CTDNEP1: variants seen among roughly 807,000 people sequenced by gnomAD.
CTDNEP1 encodes C-terminal domain nuclear envelope phosphatase 1.
In CTDNEP1, 3 loss-of-function variants were observed where a neutral mutation model predicts 30.1. That is an observed-to-expected ratio of 0.10 (90% confidence interval 0.05 to 0.26). The LOEUF (loss-of-function observed/expected upper bound fraction) is 0.26. Ranked by LOEUF, CTDNEP1 falls within the 10% of genes least tolerant of loss-of-function variation. CTDNEP1 has a pLI of 1.00. For missense variants in CTDNEP1, 158 were observed against 310.4 expected (o/e 0.51, Z 3.69); for synonymous variants, 123 against 118.8 (o/e 1.04, Z -0.23).
In CTDNEP1 at chr17:7,251,306, C is replaced by G; in HGVS notation, c.-10G>C. On this transcript the variant is annotated 5_prime_UTR_variant, in exon 1 of 8. Coordinates refer to ENST00000574322, the MANE Select transcript of CTDNEP1 (RefSeq NM_001143775.2). Reference sequence around the variant, plus strand: ...ACTGCGTCCGCATCATCCCGATGACCCCGGCACCGCCGGCCCCGGGGCCCC... The same window carrying G: ...ACTGCGTCCGCATCATCCCGATGACGCCGGCACCGCCGGCCCCGGGGCCCC... 1 of 1,520,822 alleles carries G rather than the reference C, an allele frequency of 6.6e-7. No homozygotes were observed. The highest frequency in any genetic ancestry group is 8.8e-7 in the Non-Finnish European group (1 of 1,135,064). The allele number at this position is 1,520,822 out of a possible 1,614,324, so 94.2% of individuals were successfully genotyped here.
At chr17:7,249,998 G>A (rs771012544) in intron 1 of CTDNEP1, among the ~76,000 whole-genome samples, 43 of 152,166 alleles carry the variant, frequency 2.8e-4, no homozygotes, top group Non-Finnish European at 4.1e-4. Flanking sequence ...CTCTTGTCTC[G>A]GGGGAATAGC....
intron 7 of CTDNEP1, 110 bp from the exon 8 acceptor site, chr17:7,244,355 C>A: frequency 7.6e-7 from 1 of 1,316,968 alleles, no homozygotes; most frequent in Non-Finnish European, 1.1e-6. Flanking sequence ...TCACCATATT[C>A]ATGATTAGAT....
Position 7,248,259 on chromosome 17 carries a change from C to CCAAA in CTDNEP1, c.103-917_103-916insTTTG, listed in dbSNP as rs1379101575. ...CTGGTGACAGAGCAAGACTCCGTCG[C>CCAAA]AAAAAAAAAAAAAAAAAAAAAAAAA... On this transcript the variant is annotated intron_variant, in intron 1 of 7. Coordinates refer to ENST00000574322, the MANE Select transcript of CTDNEP1 (RefSeq NM_001143775.2). Among the ~76,000 whole-genome samples, 57 of 15,408 alleles carry CCAAA rather than the reference C, an allele frequency of 3.7e-3. 9 individuals are homozygous for CCAAA. Among genetic ancestry groups the CCAAA allele is most frequent in the African/African-American group, 4.9e-3 (51 of 10,386 alleles). 10.1% of individuals were successfully genotyped at this position (15,408 alleles called of 152,430 possible). A position where few individuals can be genotyped will look rare whatever the true frequency, so the allele number is the denominator to read the frequency against.
At chr17:7,244,668 CAG>C (rs771236313) in intron 6 of CTDNEP1, 33 bp from the exon 7 acceptor site, 1 of 1,483,574 alleles carries the variant, frequency 6.7e-7, no homozygotes, top group South Asian at 1.2e-5. Flanking sequence ...TGAGAAGAAA[CAG>C]AATTCAAGAG....
upstream of CTDNEP1, chr17:7,251,948 G>C (rs1045384572): frequency 6.3e-6 from 1 of 159,938 alleles, no homozygotes; most frequent in Non-Finnish European, 1.4e-5. Flanking sequence ...TTCCCACTCT[G>C]ACAGGCGCCA....
At position 7,244,410 on chromosome 17, in the gene CTDNEP1, GAAGT is replaced by G. The variant is rs1046503458; in HGVS notation, c.674+137_674+140del. On this transcript the variant is annotated intron_variant, in intron 7 of 7. Coordinates refer to ENST00000574322, the MANE Select transcript of CTDNEP1 (RefSeq NM_001143775.2). Reference sequence around the variant, plus strand: ...CCTACTAGCTAAAGTGATGAGCTTTGAAGTAAGACGACCTGGGTCCAAATGTTAA... The same window carrying G: ...CCTACTAGCTAAAGTGATGAGCTTTGAAGACGACCTGGGTCCAAATGTTAA... 1.4e-4 allele frequency: 164 copies of G among 1,170,064 alleles called. 1 individual carries two copies. The highest frequency in any genetic ancestry group is 1.1e-3 in the East Asian group (44 of 40,664). 72.5% of individuals were successfully genotyped at this position (1,170,064 alleles called of 1,614,324 possible). A position where few individuals can be genotyped will look rare whatever the true frequency, so the allele number is the denominator to read the frequency against.
intron 6 of CTDNEP1, among the ~76,000 whole-genome samples, chr17:7,245,189 G>T (rs532112648): frequency 1.2e-4 from 18 of 152,170 alleles, no homozygotes; most frequent in Non-Finnish European, 2.5e-4. Context: ...CTACTTGGGA[G>T]GCTGAGGCAG....
intron 6 of CTDNEP1, among the ~76,000 whole-genome samples, chr17:7,245,596 T>A (rs1289118348): frequency 9.2e-5 from 14 of 151,694 alleles, no homozygotes; most frequent in African/African-American, 3.4e-4. Flanking sequence ...CCTCCCGGGT[T>A]CAAGCGATTC....
In CTDNEP1 at chr17:7,246,842, A is replaced by G. The variant is rs780415661; in HGVS notation, c.309T>C (p.Pro103=). 5.0e-5 allele frequency: 80 copies of G among 1,613,968 alleles called. 1 individual carries two copies. The South Asian group carries it at 8.1e-4, about 16-fold the overall frequency. ...GCCTCTTATGTACAAAAAACCGGAC[A>G]GGATGTTTGTCTATTACCACCTACA... ...FILKVVIDKH[P]VRFFVHKRPH... The change falls in exon 4 of 8, where the codon CCT becomes CCC. Residue 103 remains proline, a synonymous_variant. Coordinates refer to ENST00000574322, the MANE Select transcript of CTDNEP1 (RefSeq NM_001143775.2). The surrounding 1 kb of genome is among the most constrained non-coding windows in gnomAD (Gnocchi z 4.9).
intron 6 of CTDNEP1, chr17:7,244,870 A>C: frequency 2.2e-6 from 1 of 454,510 alleles, no homozygotes; most frequent in Non-Finnish European, 3.9e-6. Context: ...CACTTGAAAC[A>C]CACTTGGCCA....
At chr17:7,247,395 A>G (rs745945187) in intron 1 of CTDNEP1, 52 bp from the exon 2 acceptor site, 20 of 1,334,544 alleles carry the variant, frequency 1.5e-5, no homozygotes, top group Middle Eastern at 1.8e-4. Context: ...AGCCTTCCCC[A>G]GTAACAGTAA....
Position 7,247,095 on chromosome 17 carries a change from C to A in CTDNEP1, c.257G>T (p.Arg86Leu). The A allele has an allele frequency of 6.2e-7, 1 of 1,612,978 alleles. No homozygotes were observed. The highest frequency in any genetic ancestry group is 1.1e-5 in the South Asian group (1 of 91,034). Residue 86 changes from arginine (R) to leucine (L), a missense_variant, in exon 3 of 8, where the codon CGG becomes CTG. By Grantham distance (102) the Arg-to-Leu change is moderately radical (BLOSUM62 -2). Coordinates refer to ENST00000574322, the MANE Select transcript of CTDNEP1 (RefSeq NM_001143775.2). ...HHDGVLRPTV[R>L]PGTPPDFILK... ...GATGAAGTCAGGAGGCGTACCAGGC[C>A]GGACTGTGGGCCTCAGGACCCCATC...
chr17:7,247,417 T>C (rs1437312517), intron 1 of CTDNEP1, 74 bp from the exon 2 acceptor site: 1 of 1,132,212 alleles, frequency 8.8e-7, no homozygotes, highest in Non-Finnish European at 1.3e-6. Context: ...AGGGAGCACA[T>C]AATGAACATT....
intron 6 of CTDNEP1, 70 bp downstream of exon 6, chr17:7,245,956 A>G (rs1265143633): frequency 9.9e-7 from 1 of 1,008,082 alleles, no homozygotes; most frequent in Admixed American, 1.8e-5. Context: ...ACCAAAGCCC[A>G]GGTCTCCTGC....
Position 7,251,532 on chromosome 17 carries a change from G to C in CTDNEP1, c.-236C>G. ...GCCCGCGGGGGCCCACATGGGCTGG[G>C]AGTGGCACCGACGGCTTCGGGGAGG... On this transcript the variant is annotated 5_prime_UTR_variant, in exon 1 of 8. Coordinates refer to ENST00000574322, the MANE Select transcript of CTDNEP1 (RefSeq NM_001143775.2). 5.9e-6 allele frequency: 2 copies of C among 338,148 alleles called. No individual in the cohort carries two copies. Among genetic ancestry groups the C allele is most frequent in the Non-Finnish European group, 1.1e-5 (2 of 188,490 alleles). 20.9% of individuals were successfully genotyped at this position (338,148 alleles called of 1,614,324 possible).
intron 6 of CTDNEP1, among the ~76,000 whole-genome samples, 178 bp downstream of exon 6, chr17:7,245,848 A>C (rs1240556922): frequency 1.3e-5 from 2 of 152,210 alleles, no homozygotes; most frequent in African/African-American, 4.8e-5. Flanking sequence ...CCGACTTATG[A>C]AATGGACATA....
intron 1 of CTDNEP1, among the ~76,000 whole-genome samples, chr17:7,248,855 C>T (rs1433590552): frequency 6.6e-6 from 1 of 152,154 alleles, no homozygotes; most frequent in Admixed American, 6.5e-5. Context: ...ATGAGGGAAT[C>T]CAGAGGTTGT....
intron 6 of CTDNEP1, 179 bp from the exon 7 acceptor site, chr17:7,244,814 C>G: frequency 5.3e-6 from 3 of 566,846 alleles, no homozygotes; most frequent in Non-Finnish European, 9.3e-6. Context: ...ATCACCAGAT[C>G]TCATACCTAT....
chr17:7,249,285 C>T (rs2142998978), intron 1 of CTDNEP1, among the ~76,000 whole-genome samples: 1 of 152,322 alleles, frequency 6.6e-6, no homozygotes, highest in East Asian at 1.9e-4. Flanking sequence ...CAGGTTCTCC[C>T]TTCTAAACCC....
Sources: allele counts gnomAD v4.1 joint callset (sites outside exome capture counted in the v4.1 genomes callset), GRCh38; gene constraint gnomAD v4.1.1; non-coding constraint Gnocchi (gnomAD v3.1); transcripts MANE v1.5; gene names NCBI Gene and HGNC (gene_info 2026-07-23, HGNC 2026-07-21).